GRIN3B: variants seen among roughly 807,000 people sequenced by gnomAD.
GRIN3B encodes glutamate ionotropic receptor NMDA type subunit 3B, also known as glutamate receptor ionotropic, NMDA 3B.
In GRIN3B, 77 loss-of-function variants were observed where a neutral mutation model predicts 66.0. The observed-to-expected ratio is 1.17, with a 90% CI of 0.97 to 1.41. GRIN3B has a LOEUF of 1.41. Ranked by LOEUF, GRIN3B falls within the 40% of genes most tolerant of loss-of-function variation. The probability of loss-of-function intolerance (pLI) is 0.00; values close to 1 mark genes in which losing one functional copy is unlikely to be tolerated. For missense variants in GRIN3B, 1,787 were observed against 1,564.5 expected (o/e 1.14, Z -2.40); for synonymous variants, 823 against 749.7 (o/e 1.10, Z -1.60).
chr19:1,004,827 G>T lies in GRIN3B; in HGVS notation c.1326G>T (p.Gly442=), dbSNP rs374546657. ...ACGAAGACGGGCAGTGCCCAGCGGG[G>T]CAGCTGTGCCTGGACCCTGGCACCA... is the stretch of plus-strand genomic sequence containing the variant. ...DPDEDGQCPA[G]QLCLDPGTND... Residue 442 remains glycine (G), a synonymous_variant, in exon 3 of 9, where the codon GGG becomes GGT. Coordinates refer to ENST00000234389, the MANE Select transcript of GRIN3B (RefSeq NM_138690.3). 14 of 1,612,494 alleles carry T rather than the reference G, an allele frequency of 8.7e-6. No homozygotes were observed. In the African/African-American group the frequency reaches 1.9e-4, roughly 22 times the overall value.
chr19:1,006,339 G>C (rs2145538443), intron 3 of GRIN3B, among the ~76,000 whole-genome samples: 1 of 151,552 alleles, frequency 6.6e-6, no homozygotes, highest in South Asian at 2.1e-4. Flanking sequence ...GAGTTGGCGG[G>C]TTTCACCATG....
At chr19:1,008,064 C>G in intron 5 of GRIN3B, 76 bp from the exon 6 acceptor site, 2 of 1,566,216 alleles carry the variant, frequency 1.3e-6, no homozygotes, top group South Asian at 1.1e-5. Context: ...TGGGAAGGGG[C>G]GAAATCCCAC....
Position 1,005,429 on chromosome 19 carries a change from G to C in GRIN3B, c.1928G>C (p.Arg643Pro), listed in dbSNP as rs147694026. The C allele has an allele frequency of 6.2e-7, 1 of 1,613,494 alleles. No homozygotes were observed. The highest frequency in any genetic ancestry group is 1.3e-5 in the African/African-American group (1 of 74,926). Residue 643 changes from arginine to proline, a missense_variant, in exon 3 of 9, where the codon CGC becomes CCC. Physicochemically the swap from Arg to Pro is moderately radical, Grantham distance 103 (BLOSUM62 -2). Transcript: ENST00000234389. This position sits in a 1 kb window ranked among gnomAD's most constrained non-coding sequence, Gnocchi z 5.2. Reference sequence around the variant, plus strand: ...AAGACGCCCAAGTGCCCCACGGGCCGCCTGCTCATGAACCTCTGGGCCATC... The same window carrying C: ...AAGACGCCCAAGTGCCCCACGGGCCCCCTGCTCATGAACCTCTGGGCCATC... ...SSKTPKCPTG[R>P]LLMNLWAIFC...
At chr19:1,006,534 C>A (rs1377701684) in intron 3 of GRIN3B, among the ~76,000 whole-genome samples, 2 of 151,574 alleles carry the variant, frequency 1.3e-5, no homozygotes, top group African/African-American at 4.9e-5. Flanking sequence ...CTCCACCTCC[C>A]AGGTTCAAGC....
chr19:1,004,801 G>A lies in GRIN3B; in HGVS notation c.1300G>A (p.Asp434Asn). 3 of 1,612,876 alleles carry A rather than the reference G, an allele frequency of 1.9e-6. No individual in the cohort carries two copies. The highest frequency in any genetic ancestry group is 2.5e-6 in the Non-Finnish European group (3 of 1,179,570). ...EHPFVFARDP[D>N]EDGQCPAGQL... Reference sequence around the variant, plus strand: ...CCCATTTGTGTTTGCCCGTGATCCAGACGAAGACGGGCAGTGCCCAGCGGG... The same window carrying A: ...CCCATTTGTGTTTGCCCGTGATCCAAACGAAGACGGGCAGTGCCCAGCGGG... The change falls in exon 3 of 9, where the codon GAC (aspartate) becomes AAC (asparagine). Residue 434 changes from aspartate to asparagine, a missense_variant. Physicochemically the swap from Asp to Asn is conservative, Grantham distance 23. Coordinates refer to ENST00000234389, the MANE Select transcript of GRIN3B (RefSeq NM_138690.3).
chr19:1,005,805 G>C lies in GRIN3B; in HGVS notation c.2052+252G>C, dbSNP rs1388614358. Among the ~76,000 whole-genome samples the C allele has an allele frequency of 6.6e-6, 1 of 152,054 alleles. No individual in the cohort carries two copies. The highest frequency in any genetic ancestry group is 1.5e-5 in the Non-Finnish European group (1 of 68,002). ...ACCTGAAGTCAGGAGTCTCGAACTG[G>C]AGCCTGGCCAACATGGTGAAACCCC... is the stretch of plus-strand genomic sequence containing the variant. On this transcript the variant is annotated intron_variant, in intron 3 of 8. Transcript: ENST00000234389. The surrounding 1 kb of genome is among the most constrained non-coding windows in gnomAD (Gnocchi z 5.2).
chr19:1,007,868 C>G lies in GRIN3B; in HGVS notation c.2211C>G (p.Pro737=), dbSNP rs750661194. Residue 737 remains proline, a synonymous_variant, in exon 5 of 9, where the codon CCC becomes CCG. Transcript: ENST00000234389. The surrounding 1 kb of genome is among the most constrained non-coding windows in gnomAD (Gnocchi z 4.4). ...RGVAMLTSDP[P]KLNAFIMDKS... ...CCGGCCCCAGCAGGAGCGACCCCCC[C>G]AAGCTCAACGCCTTCATCATGGACA... is the stretch of plus-strand genomic sequence containing the variant. The G allele has an allele frequency of 9.9e-6, 16 of 1,610,918 alleles. No individual in the cohort carries two copies. The highest frequency in any genetic ancestry group is 2.2e-5 in the East Asian group (1 of 44,848).
chr19:1,009,328 A>T lies in GRIN3B; in HGVS notation c.2858A>T (p.Glu953Val). ...VVAPEADAEAEAAPREGPVWL... is the reference protein window; with the variant it reads ...VVAPEADAEAVAAPREGPVWL... Reference sequence around the variant, plus strand: ...GCACCCGAAGCGGACGCGGAGGCGGAGGCTGCGCCGCGAGAGGGCCCCGTC... The same window carrying T: ...GCACCCGAAGCGGACGCGGAGGCGGTGGCTGCGCCGCGAGAGGGCCCCGTC... Residue 953 changes from glutamate (E) to valine (V), a missense_variant, in exon 9 of 9, where the codon GAG becomes GTG. Coordinates refer to ENST00000234389, the MANE Select transcript of GRIN3B (RefSeq NM_138690.3). 7.1e-7 allele frequency: 1 copy of T among 1,400,330 alleles called. No homozygotes were observed. Among genetic ancestry groups the T allele is most frequent in the Non-Finnish European group, 9.2e-7 (1 of 1,086,832 alleles). 86.7% of individuals were successfully genotyped at this position (1,400,330 alleles called of 1,614,324 possible).
In GRIN3B at chr19:1,009,582, C is replaced by A. The variant is rs1327732148; in HGVS notation, c.3112C>A (p.Arg1038=). The change falls in exon 9 of 9, where the codon CGA becomes AGA. Residue 1038 remains arginine (R), a synonymous_variant. Transcript: ENST00000234389. ...APAEAPPHSG[R]PGSQE ...CGCGGAGGCCCCACCACACTCTGGCCGACCGGGGAGCCAGGAATGAGGCGG... is the reference window on the plus strand; with the variant it reads ...CGCGGAGGCCCCACCACACTCTGGCAGACCGGGGAGCCAGGAATGAGGCGG... The A allele has an allele frequency of 2.1e-6, 3 of 1,442,470 alleles. No individual in the cohort carries two copies. Among genetic ancestry groups the A allele is most frequent in the African/African-American group, 3.0e-5 (2 of 67,126 alleles). The allele number at this position is 1,442,470 out of a possible 1,614,324, so 89.4% of individuals were successfully genotyped here. A position where few individuals can be genotyped will look rare whatever the true frequency, so the allele number is the denominator to read the frequency against.
rs563617329 is a variant in GRIN3B, at chr19:1,004,798, C to G, written c.1297C>G (p.Pro433Ala). The change falls in exon 3 of 9, where the codon CCA becomes GCA. Residue 433 changes from proline (P) to alanine (A), a missense_variant. Pro to Ala is a conservative substitution (Grantham distance 27, BLOSUM62 -1). Coordinates refer to ENST00000234389, the MANE Select transcript of GRIN3B (RefSeq NM_138690.3). ...ACACCCATTTGTGTTTGCCCGTGAT[C>G]CAGACGAAGACGGGCAGTGCCCAGC... is the stretch of plus-strand genomic sequence containing the variant. ...LEHPFVFARDPDEDGQCPAGQ... is the reference protein window; with the variant it reads ...LEHPFVFARDADEDGQCPAGQ... 1.9e-6 allele frequency: 3 copies of G among 1,612,834 alleles called. No homozygotes were observed. Among genetic ancestry groups the G allele is most frequent in the African/African-American group, 2.7e-5 (2 of 75,024 alleles).
In GRIN3B at chr19:1,003,382, G is replaced by T. The variant is rs758898930; in HGVS notation, c.679G>T (p.Gly227Trp). ...ARLAPMAAPV[G>W]GEAPVPAAVL... ...CCTGGCCCCGATGGCGGCGCCAGTG[G>T]GGGGTGAAGCACCGGTACCCGCGGC... Residue 227 changes from glycine to tryptophan, a missense_variant, in exon 2 of 9, where the codon GGG becomes TGG. By Grantham distance (184) the Gly-to-Trp change is radical (BLOSUM62 -2). Coordinates refer to ENST00000234389, the MANE Select transcript of GRIN3B (RefSeq NM_138690.3). 1 of 1,567,416 alleles carries T rather than the reference G, an allele frequency of 6.4e-7. No individual in the cohort carries two copies. Among genetic ancestry groups the T allele is most frequent in the South Asian group, 1.2e-5 (1 of 86,126 alleles).
chr19:1,006,373 C>T (rs2038749024), intron 3 of GRIN3B, among the ~76,000 whole-genome samples: 1 of 151,648 alleles, frequency 6.6e-6, no homozygotes. Context: ...TCTCGAACCC[C>T]TGACCTCGTG....
intron 2 of GRIN3B, 146 bp downstream of exon 2, chr19:1,003,868 C>T: frequency 1.7e-6 from 1 of 589,494 alleles, no homozygotes; most frequent in Non-Finnish European, 2.7e-6. Context: ...GAGCGGATCA[C>T]TTGAGCTCGG....
rs2038729279 is a variant in GRIN3B, at chr19:1,004,996, C to A, written c.1495C>A (p.Leu499Ile). Reference sequence around the variant, plus strand: ...CACGCCCTTCGACTTCGAGCTGTACCTCGTGGGTGACGGCAAGTACGGCGC... The same window carrying A: ...CACGCCCTTCGACTTCGAGCTGTACATCGTGGGTGACGGCAAGTACGGCGC... ...EDTPFDFELY[L>I]VGDGKYGALR... Residue 499 changes from leucine to isoleucine, a missense_variant, in exon 3 of 9, where the codon CTC (leucine) becomes ATC (isoleucine). Leu to Ile is a conservative substitution (Grantham distance 5). Transcript: ENST00000234389. 1 of 1,612,032 alleles carries A rather than the reference C, an allele frequency of 6.2e-7. No homozygotes were observed. The highest frequency in any genetic ancestry group is 1.3e-5 in the African/African-American group (1 of 74,910).
chr19:1,001,280 A>G (rs2038682021), intron 1 of GRIN3B, among the ~76,000 whole-genome samples: 2 of 151,684 alleles, frequency 1.3e-5, no homozygotes. Context: ...GCTGGGCTGG[A>G]GGACAGGCGG....
intron 1 of GRIN3B, among the ~76,000 whole-genome samples, chr19:1,001,270 G>C (rs4312418): frequency 0.62 from 93,649 of 151,648 alleles, 29,502 homozygotes; most frequent in South Asian, 0.75. Context: ...GCTCTGGGTG[G>C]CTGGGCTGGA....
chr19:1,003,924 C>A (rs1005924072), intron 2 of GRIN3B, among the ~76,000 whole-genome samples: 2 of 152,192 alleles, frequency 1.3e-5, no homozygotes, highest in Non-Finnish European at 2.9e-5. Context: ...CCATCTCTAC[C>A]AAAAAATAGA....
chr19:1,003,812 C>T (rs1256957959), intron 2 of GRIN3B, 90 bp downstream of exon 2: 17 of 1,003,078 alleles, frequency 1.7e-5, no homozygotes, highest in African/African-American at 3.4e-5. Flanking sequence ...TGAGGCCAGA[C>T]GCGGTGGCTC....
chr19:1,004,750 C>G lies in GRIN3B; in HGVS notation c.1249C>G (p.Leu417Val), dbSNP rs777662897. Residue 417 changes from leucine (L) to valine (V), a missense_variant, in exon 3 of 9, where the codon CTG becomes GTG. Transcript: ENST00000234389. ...PPQGAQVWPKLRVVTLLEHPF... is the reference protein window; with the variant it reads ...PPQGAQVWPKVRVVTLLEHPF... ...ACAGGGTGCCCAGGTCTGGCCCAAGCTGCGTGTGGTAACGCTGTTGGAACA... is the reference window on the plus strand; with the variant it reads ...ACAGGGTGCCCAGGTCTGGCCCAAGGTGCGTGTGGTAACGCTGTTGGAACA... 1 of 1,610,974 alleles carries G rather than the reference C, an allele frequency of 6.2e-7. No homozygotes were observed. Among genetic ancestry groups the G allele is most frequent in the South Asian group, 1.1e-5 (1 of 90,956 alleles).
Sources: allele counts gnomAD v4.1 joint callset (sites outside exome capture counted in the v4.1 genomes callset), GRCh38; gene constraint gnomAD v4.1.1; non-coding constraint Gnocchi (gnomAD v3.1); transcripts MANE v1.5; gene names NCBI Gene and HGNC (gene_info 2026-07-23, HGNC 2026-07-21).